Variants in MUC4 observed in about 807,000 individuals in gnomAD.
The protein encoded by MUC4 is mucin-4.
A neutral mutation model predicts 257.9 loss-of-function variants in MUC4; 202 were observed. The ratio of observed to expected loss-of-function variants is 0.78; its 90% CI spans 0.70 to 0.88. MUC4 has a LOEUF of 0.88. Among genes scored for constraint, MUC4 ranks in the 40% least tolerant of loss-of-function variants. The probability of loss-of-function intolerance (pLI) is 0.00; values close to 1 mark genes in which losing one functional copy is unlikely to be tolerated. For missense variants in MUC4, 5,976 were observed against 6,513.7 expected, an observed-to-expected ratio of 0.92 and a Z score of 2.84; for synonymous variants, 2,351 against 2,757.1, an observed-to-expected ratio of 0.85 and a Z score of 4.62.
rs1721547729 is a variant in MUC4 at position 195,767,765 on chromosome 3, A to ACCATCATTG, written c.13530-1015_13530-1014insCAATGATGG. 4.6e-5 allele frequency among the ~76,000 whole-genome samples: 5 copies of ACCATCATTG among 108,998 alleles called. 1 individual carries two copies. The highest frequency in any genetic ancestry group is 2.1e-4 in the African/African-American group (5 of 24,072). The allele number at this position is 108,998 out of a possible 152,430, so 71.5% of individuals were successfully genotyped here. A position where few individuals can be genotyped will look rare whatever the true frequency, so the allele number is the denominator to read the frequency against. ...CACCATCGCCACCACCACCATCACCACCACCACCACCATCACCACCATCAT... is the reference window on the plus strand; with the variant it reads ...CACCATCGCCACCACCACCATCACCACCATCATTGCCACCACCACCATCACCACCATCAT... On this transcript the variant is annotated intron_variant, in intron 7 of 24. Coordinates refer to ENST00000463781, the MANE Select transcript of MUC4 (RefSeq NM_018406.7).
At chr3:195,808,369 C>A (rs544342105) in intron 1 of MUC4, among the ~76,000 whole-genome samples, 1 of 152,162 alleles carries the variant, frequency 6.6e-6, no homozygotes, top group Non-Finnish European at 1.5e-5. Flanking sequence ...GCGCTCGCCA[C>A]CACGCCCGGC....
Position 195,746,909 on chromosome 3 carries a change from C to G in MUC4, c.*267G>C, listed in dbSNP as rs570673823. On this transcript the variant is annotated 3_prime_UTR_variant, in exon 25 of 25. Transcript: ENST00000463781. ...TCGTGTGTGTGTGTGTGTGTGTGCA[C>G]GCGCGCGTGCACAGGCTAGTGTCCT... is the stretch of plus-strand genomic sequence containing the variant. 7 of 568,840 alleles carry G rather than the reference C, an allele frequency of 1.2e-5. No homozygotes were observed. In the South Asian group the frequency reaches 1.6e-4, roughly 13 times the overall value. 35.2% of individuals were successfully genotyped at this position (568,840 alleles called of 1,614,324 possible).
chr3:195,805,669 G>T (rs372069017), intron 1 of MUC4, among the ~76,000 whole-genome samples: 1 of 152,082 alleles, frequency 6.6e-6, no homozygotes, highest in Non-Finnish European at 1.5e-5. Flanking sequence ...GCTAATTTTT[G>T]TATTTTTAGT....
At chr3:195,778,725 T>G (rs1235175917) in intron 2 of MUC4, 65 bp downstream of exon 2, 1 of 1,484,984 alleles carries the variant, frequency 6.7e-7, no homozygotes, top group Non-Finnish European at 9.1e-7. Flanking sequence ...TCTCAGGTAC[T>G]CCTTAGGCTG....
Position 195,805,043 on chromosome 3 carries a change from G to A in MUC4, c.82+6693C>T, listed in dbSNP as rs547521021. 3.3e-5 allele frequency among the ~76,000 whole-genome samples: 5 copies of A among 150,778 alleles called. No homozygotes were observed. The South Asian group carries it at 6.3e-4, about 19-fold the overall frequency. On this transcript the variant is annotated intron_variant, in intron 1 of 24. Transcript: ENST00000463781. ...CAGCCGAGGCTGGAGAGAGGGTGAC[G>A]TTGCCTGTTTCTTTATCTTTATCTT... is the stretch of plus-strand genomic sequence containing the variant.
At chr3:195,752,944 T>G in intron 20 of MUC4, 107 bp downstream of exon 20, 1 of 1,024,050 alleles carries the variant, frequency 9.8e-7, no homozygotes, top group Non-Finnish European at 1.4e-6. Flanking sequence ...CTCTGTCCTG[T>G]GACCCCAGAG....
intron 24 of MUC4, among the ~76,000 whole-genome samples, chr3:195,748,488 C>T (rs1256793340): frequency 6.6e-6 from 1 of 152,210 alleles, no homozygotes; most frequent in African/African-American, 2.4e-5. Context: ...CGCTTGAACG[C>T]GGGAGAAGGA....
chr3:195,768,070 G>GT (rs1233840513), intron 7 of MUC4, among the ~76,000 whole-genome samples: 1 of 152,108 alleles, frequency 6.6e-6, no homozygotes, highest in Non-Finnish European at 1.5e-5. Context: ...CTGCTGCAGA[G>GT]TGGGGACTCT....
intron 22 of MUC4, 36 bp from the exon 23 acceptor site, chr3:195,751,148 G>T (rs568708733): frequency 5.4e-6 from 8 of 1,478,890 alleles, no homozygotes; most frequent in African/African-American, 4.5e-5. Flanking sequence ...GGGGTGGGGG[G>T]CTGGGGGTGG....
chr3:195,811,698 C>T lies in MUC4; in HGVS notation c.82+38G>A, dbSNP rs1413791998. ...ACAGCTCCCACCTCCCCCAAGTGCT[C>T]CCCGCAGCCAGCCTCATCTGCTGTC... On this transcript the variant is annotated intron_variant, in intron 1 of 24. Transcript: ENST00000463781. The T allele has an allele frequency of 5.0e-6, 8 of 1,601,972 alleles. No individual in the cohort carries two copies. In the Admixed American group the frequency reaches 1.0e-4, roughly 20 times the overall value.
chr3:195,758,573 C>CTTTTTTTTTT lies in MUC4; in HGVS notation c.14986+550_14986+551insAAAAAAAAAA, dbSNP rs55860315. Among the ~76,000 whole-genome samples the CTTTTTTTTTT allele has an allele frequency of 3.4e-4, 43 of 126,452 alleles. 10 individuals are homozygous for CTTTTTTTTTT. Among genetic ancestry groups the CTTTTTTTTTT allele is most frequent in the Admixed American group, 9.7e-4 (12 of 12,376 alleles). 83.0% of individuals were successfully genotyped at this position (126,452 alleles called of 152,430 possible). A position where few individuals can be genotyped will look rare whatever the true frequency, so the allele number is the denominator to read the frequency against. The stretch of plus-strand genomic sequence containing the variant: ...GATTGAGATTAAATGATCTTCAAAT[C>CTTTTTTTTTT]TTTTTTTTGAGACAGAGTCTCGCTC... On this transcript the variant is annotated intron_variant, in intron 17 of 24. Transcript: ENST00000463781.
chr3:195,770,599 T>TCCAAGA, intron 5 of MUC4: 1 of 584,488 alleles, frequency 1.7e-6, no homozygotes, highest in Non-Finnish European at 3.0e-6. Context: ...GGCCCAGACG[T>TCCAAGA]CCAAGACCTC....
intron 3 of MUC4, among the ~76,000 whole-genome samples, chr3:195,775,133 T>C (rs1425482710): frequency 6.6e-6 from 1 of 152,008 alleles, no homozygotes; most frequent in African/African-American, 2.4e-5. Flanking sequence ...CTGGTCCTGC[T>C]TGGAAACCCG....
chr3:195,808,163 G>T, intron 1 of MUC4, among the ~76,000 whole-genome samples: 1 of 152,144 alleles, frequency 6.6e-6, no homozygotes, highest in East Asian at 1.9e-4. Flanking sequence ...GTGCCATTCC[G>T]GGTTCAATCA....
chr3:195,778,814 A>T lies in MUC4; in HGVS notation c.12766T>A (p.Ser4256Thr), dbSNP rs766177140. ...CCTGGTGTTTCCATCTTCAGAGGGGAGTCCGAGGATACTGTGGAAGCTGAG... is the reference window on the plus strand; with the variant it reads ...CCTGGTGTTTCCATCTTCAGAGGGGTGTCCGAGGATACTGTGGAAGCTGAG... ...ATSASTVSSDSPLKMETPGMT... is the reference protein window; with the variant it reads ...ATSASTVSSDTPLKMETPGMT... Residue 4256 changes from serine to threonine, a missense_variant, in exon 2 of 25, where the codon TCC becomes ACC. Physicochemically the swap from Ser to Thr is moderately conservative, Grantham distance 58. Around this residue, in one of 44 missense-constraint regions of MUC4, gnomAD observed 233 missense variants for 171.2 expected, o/e 1.36. Coordinates refer to ENST00000463781, the MANE Select transcript of MUC4 (RefSeq NM_018406.7). The T allele has an allele frequency of 2.5e-6, 4 of 1,611,742 alleles. No homozygotes were observed. The highest frequency in any genetic ancestry group is 2.2e-5 in the South Asian group (2 of 90,770).
chr3:195,768,683 G>A (rs1457879509), intron 7 of MUC4, among the ~76,000 whole-genome samples: 1 of 152,218 alleles, frequency 6.6e-6, no homozygotes, highest in Non-Finnish European at 1.5e-5. Context: ...TAATGTACAC[G>A]AAGTGTTAGT....
rs3205935 is a variant in MUC4 at position 195,747,027 on chromosome 3, T to C, written c.*149A>G. The C allele has an allele frequency of 8.7e-7, 1 of 1,145,890 alleles. No individual in the cohort carries two copies. The highest frequency in any genetic ancestry group is 1.5e-5 in the South Asian group (1 of 67,238). 71.0% of individuals were successfully genotyped at this position (1,145,890 alleles called of 1,614,324 possible). ...CTGCGCCTATGGATAAGGTATAGTC[T>C]TGTCTTGATTCCCAGTATTCATTCT... On this transcript the variant is annotated 3_prime_UTR_variant, in exon 25 of 25. Transcript: ENST00000463781.
Position 195,782,346 on chromosome 3 carries a change from A to G in MUC4, c.9234T>C (p.Thr3078=). ...TGGCGTGACCTGTGGATGCTGAGGA[A>G]GTGTCGGTGACAGGAAGCGGGGTGG... is the stretch of plus-strand genomic sequence containing the variant. ...GHATPLPVTD[T]SSASTGHATP... The change falls in exon 2 of 25, where the codon ACT becomes ACC. Residue 3078 remains threonine (T), a synonymous_variant. Coordinates refer to ENST00000463781, the MANE Select transcript of MUC4 (RefSeq NM_018406.7). 6.9e-7 allele frequency: 1 copy of G among 1,454,556 alleles called. No individual in the cohort carries two copies. 90.1% of individuals were successfully genotyped at this position (1,454,556 alleles called of 1,614,324 possible).
chr3:195,798,948 T>G (rs1295644738), intron 1 of MUC4, among the ~76,000 whole-genome samples: 1 of 151,902 alleles, frequency 6.6e-6, no homozygotes, highest in African/African-American at 2.4e-5. Context: ...CATAGTAAAA[T>G]CTAGGGTGCT....
Sources: allele counts gnomAD v4.1 joint callset (sites outside exome capture counted in the v4.1 genomes callset), GRCh38; gene constraint gnomAD v4.1.1; regional missense constraint gnomAD v4.1.1; transcripts MANE v1.5; gene names NCBI Gene and HGNC (gene_info 2026-07-23, HGNC 2026-07-21).